Variants in KATNIP observed in about 807,000 individuals in gnomAD.
KATNIP encodes the protein katanin-interacting protein.
A neutral mutation model predicts 174.0 loss-of-function variants in KATNIP; 126 were observed. That is an observed-to-expected ratio of 0.72 (90% CI 0.63 to 0.84). KATNIP has a LOEUF of 0.84. KATNIP is among the 40% of genes least tolerant of loss of function. KATNIP has a pLI of 0.00. For missense variants in KATNIP, 1,958 were observed against 2,109.7 expected (o/e 0.93, Z 1.41); for synonymous variants, 810 against 835.7 (o/e 0.97, Z 0.53).
chr16:27,710,683 T>C (rs549942823), intron 13 of KATNIP, among the ~76,000 whole-genome samples: 1 of 152,286 alleles, frequency 6.6e-6, no homozygotes, highest in Non-Finnish European at 1.5e-5. Context: ...GTAAAATTTT[T>C]TATAGAGACG....
At chr16:27,635,006 A>G (rs987884280) in intron 5 of KATNIP, among the ~76,000 whole-genome samples, 5 of 152,180 alleles carry the variant, frequency 3.3e-5, no homozygotes, top group Non-Finnish European at 5.9e-5. Flanking sequence ...TGCAGGGGGA[A>G]GTCACGGGAC....
chr16:27,551,134 A>T (rs1234954540), intron 1 of KATNIP, among the ~76,000 whole-genome samples: 1 of 152,232 alleles, frequency 6.6e-6, no homozygotes, highest in Non-Finnish European at 1.5e-5. Flanking sequence ...AATTGGAAGC[A>T]AATGGAAAAT....
chr16:27,721,621 A>T lies in KATNIP; in HGVS notation c.1669A>T (p.Ile557Phe). ...CCCACCACTCCAGCTGTTTTTTGTT[A>T]TTCGAAACACAAGACAGCTGGGGGA... Reference protein sequence around the residue: ...FHPPLQLFFVIRNTRQLGDFH... With the variant: ...FHPPLQLFFVFRNTRQLGDFH... The change falls in exon 14 of 28, where the codon ATT (isoleucine) becomes TTT (phenylalanine). Residue 557 changes from isoleucine to phenylalanine, a missense_variant. Ile to Phe is a conservative substitution (Grantham distance 21). Around this residue, in one of 3 missense-constraint regions of KATNIP, gnomAD observed 1,557 missense variants for 1,617.8 expected, o/e 0.96. Transcript: ENST00000261588. The T allele has an allele frequency of 6.2e-7, 1 of 1,614,110 alleles. No individual in the cohort carries two copies. The highest frequency in any genetic ancestry group is 8.5e-7 in the Non-Finnish European group (1 of 1,180,004).
At chr16:27,668,632 T>C (rs988564441) in intron 6 of KATNIP, among the ~76,000 whole-genome samples, 1 of 152,254 alleles carries the variant, frequency 6.6e-6, no homozygotes, top group African/African-American at 2.4e-5. Flanking sequence ...TTACTGGCCA[T>C]GTGACCTTGA....
intron 6 of KATNIP, among the ~76,000 whole-genome samples, chr16:27,655,655 A>C (rs2077257676): frequency 1.3e-5 from 2 of 152,168 alleles, no homozygotes; most frequent in African/African-American, 2.4e-5. Context: ...CACCATGTTG[A>C]GCATGTAACA....
intron 11 of KATNIP, among the ~76,000 whole-genome samples, chr16:27,702,889 C>G (rs1246064394): frequency 6.6e-6 from 1 of 151,982 alleles, no homozygotes; most frequent in Non-Finnish European, 1.5e-5. Flanking sequence ...AAAGGCCGCC[C>G]GGTGCAGTGG....
At chr16:27,575,900 G>C (rs2090479834) in intron 2 of KATNIP, among the ~76,000 whole-genome samples, 1 of 152,192 alleles carries the variant, frequency 6.6e-6, no homozygotes, top group South Asian at 2.1e-4. Flanking sequence ...CACTCCTTCT[G>C]GTAAGGAATC....
Position 27,698,355 on chromosome 16 carries a change from T to A in KATNIP, c.968T>A (p.Leu323Gln). The change falls in exon 9 of 28, where the codon CTG becomes CAG. Residue 323 changes from leucine to glutamine, a missense_variant. Coordinates refer to ENST00000261588, the MANE Select transcript of KATNIP (RefSeq NM_015202.5). ...CCTGGAAGCCGGCGAGAGAGACCCC[T>A]GTCTGCAACCCGCAAAACTCTTTGC... ...SRPGSRRERP[L>Q]SATRKTLCEA... The A allele has an allele frequency of 1.2e-6, 2 of 1,612,450 alleles. No homozygotes were observed. Among genetic ancestry groups the A allele is most frequent in the South Asian group, 2.2e-5 (2 of 90,656 alleles).
At chr16:27,594,343 C>G (rs1214870044) in intron 2 of KATNIP, among the ~76,000 whole-genome samples, 1 of 151,962 alleles carries the variant, frequency 6.6e-6, no homozygotes, top group East Asian at 1.9e-4. Flanking sequence ...TACGCTGGGC[C>G]ACACTGTCCC....
intron 27 of KATNIP, 128 bp downstream of exon 27, chr16:27,778,097 G>A: frequency 1.3e-6 from 1 of 789,766 alleles, no homozygotes; most frequent in Non-Finnish European, 2.0e-6. Flanking sequence ...CTGCCCAGGA[G>A]CCTGCCCAAA....
At chr16:27,712,129 A>G (rs1398904164) in intron 13 of KATNIP, among the ~76,000 whole-genome samples, 1 of 152,206 alleles carries the variant, frequency 6.6e-6, no homozygotes, top group African/African-American at 2.4e-5. Context: ...TCTGTTTAGC[A>G]GAGACTGGGG....
At chr16:27,739,224 G>T (rs1047387045) in intron 14 of KATNIP, among the ~76,000 whole-genome samples, 2 of 152,100 alleles carry the variant, frequency 1.3e-5, no homozygotes, top group Non-Finnish European at 2.9e-5. Context: ...GACAGCTGGC[G>T]GATTGGATGG....
chr16:27,774,625 T>A (rs1195279565), intron 23 of KATNIP, among the ~76,000 whole-genome samples: 2 of 152,114 alleles, frequency 1.3e-5, no homozygotes, highest in Non-Finnish European at 2.9e-5. Context: ...GAGCTTGCCC[T>A]CCACCCTCTC....
At position 27,727,185 on chromosome 16, in the gene KATNIP, T is replaced by C. The variant is rs144866429; in HGVS notation, c.1743+5490T>C. 1.1e-3 allele frequency: 216 copies of C among 195,330 alleles called. 1 individual carries two copies. The highest frequency in any genetic ancestry group is 4.9e-3 in the African/African-American group (207 of 42,008). The allele number at this position is 195,330 out of a possible 1,614,324, so 12.1% of individuals were successfully genotyped here. A position where few individuals can be genotyped will look rare whatever the true frequency, so the allele number is the denominator to read the frequency against. On this transcript the variant is annotated intron_variant, in intron 14 of 27. Coordinates refer to ENST00000261588, the MANE Select transcript of KATNIP (RefSeq NM_015202.5). Reference sequence around the variant, plus strand: ...GTGATGTGATCTGATGGAGGATGTTTGTTTGTTTGTTTGTTTGTTTTTCTA... The same window carrying C: ...GTGATGTGATCTGATGGAGGATGTTCGTTTGTTTGTTTGTTTGTTTTTCTA...
At chr16:27,661,102 G>A (rs2077461645) in intron 6 of KATNIP, among the ~76,000 whole-genome samples, 2 of 152,212 alleles carry the variant, frequency 1.3e-5, no homozygotes, top group Admixed American at 1.3e-4. Flanking sequence ...TCCAAACTGT[G>A]AATCAGGACA....
intron 7 of KATNIP, among the ~76,000 whole-genome samples, chr16:27,679,287 G>T (rs2078238167): frequency 2.6e-5 from 4 of 152,100 alleles, no homozygotes; most frequent in Admixed American, 2.6e-4. Context: ...TCTTCTCCCT[G>T]TGTCTTCCTG....
At chr16:27,741,030 G>T in intron 15 of KATNIP, 110 bp downstream of exon 15, 1 of 1,163,716 alleles carries the variant, frequency 8.6e-7, no homozygotes, top group Non-Finnish European at 1.2e-6. Flanking sequence ...CAACAAGATG[G>T]TTGTTCTCAA....
intron 13 of KATNIP, among the ~76,000 whole-genome samples, chr16:27,713,822 A>ATGTGTGTGTGTGTG (rs1261504841): frequency 2.5e-5 from 1 of 40,772 alleles, no homozygotes; most frequent in Non-Finnish European, 4.4e-5. Flanking sequence ...ATATATATAT[A>ATGTGTGTGTGTGTG]TATATATATA....
chr16:27,585,587 C>A (rs1039630358), intron 2 of KATNIP, among the ~76,000 whole-genome samples: 1 of 152,064 alleles, frequency 6.6e-6, no homozygotes, highest in African/African-American at 2.4e-5. Context: ...CCTGTGCAGC[C>A]AGAAAAAAGA....
Sources: gnomAD v4.1 joint callset for allele counts (sites outside exome capture counted in the v4.1 genomes callset) on GRCh38, gnomAD v4.1.1 for gene constraint, gnomAD v4.1.1 regional missense constraint, MANE v1.5 for transcripts, NCBI Gene and HGNC (gene_info 2026-07-23, HGNC 2026-07-21) for gene names.